Variants in ZNF704 observed in about 807,000 individuals in gnomAD.
ZNF704 encodes zinc finger protein 704.
In ZNF704, 10 loss-of-function variants were observed where a neutral mutation model predicts 44.7. The ratio of observed to expected loss-of-function variants is 0.22; its 90% CI spans 0.14 to 0.38. The LOEUF (loss-of-function observed/expected upper bound fraction) is 0.38, where lower values mean the gene tolerates loss of function less well. ZNF704 is among the 10% of genes least tolerant of loss of function. ZNF704 has a pLI of 1.00. For missense variants in ZNF704, 390 were observed against 545.5 expected (o/e 0.71, Z 2.84); for synonymous variants, 211 against 207.6 (o/e 1.02, Z -0.14).
chr8:80,825,820 A>G (rs1035268435), intron 1 of ZNF704, among the ~76,000 whole-genome samples: 5 of 152,226 alleles, frequency 3.3e-5, no homozygotes, highest in Admixed American at 6.5e-5. Context: ...CTGCTCCTGA[A>G]TGACTACTGG....
At chr8:80,705,257 A>G (rs1191730439) in intron 2 of ZNF704, among the ~76,000 whole-genome samples, 1 of 152,124 alleles carries the variant, frequency 6.6e-6, no homozygotes, top group Non-Finnish European at 1.5e-5. Context: ...TCCTGAATTT[A>G]TTTGGATAGT....
At chr8:80,810,773 T>C (rs1362000343) in intron 2 of ZNF704, among the ~76,000 whole-genome samples, 1 of 152,108 alleles carries the variant, frequency 6.6e-6, no homozygotes, top group Non-Finnish European at 1.5e-5. Flanking sequence ...CAACTGGGAG[T>C]CATTTCCCTT....
chr8:80,843,027 T>A (rs556361440), intron 1 of ZNF704, among the ~76,000 whole-genome samples: 81 of 152,288 alleles, frequency 5.3e-4, no homozygotes, highest in Admixed American at 9.8e-4. Context: ...AACTCTACAT[T>A]AGCTAAAATG....
Position 80,666,585 on chromosome 8 carries a change from T to C in ZNF704, c.660-1503A>G, listed in dbSNP as rs887850463. Among the ~76,000 whole-genome samples, 934 of 151,664 alleles carry C rather than the reference T, an allele frequency of 6.2e-3. 15 individuals carry two copies. Among genetic ancestry groups the C allele is most frequent in the Non-Finnish European group, 5.1e-3 (349 of 67,882 alleles). On this transcript the variant is annotated intron_variant, in intron 5 of 8. Transcript: ENST00000327835. ...AACTAGTTTACAGTCCCACCAACAG[T>C]GTAAAAGTGTTCCTGTTTCTCCACA...
At chr8:80,715,579 T>G (rs140499297) in intron 2 of ZNF704, among the ~76,000 whole-genome samples, 21 of 152,346 alleles carry the variant, frequency 1.4e-4, no homozygotes, top group Non-Finnish European at 1.2e-4. Flanking sequence ...TTCCCTATTC[T>G]ACTGCCCAGT....
At chr8:80,806,565 C>G (rs1330608945) in intron 2 of ZNF704, among the ~76,000 whole-genome samples, 2 of 152,152 alleles carry the variant, frequency 1.3e-5, no homozygotes, top group East Asian at 3.8e-4. Flanking sequence ...CATATTTGAA[C>G]ATCAGAGTTT....
intron 1 of ZNF704, among the ~76,000 whole-genome samples, chr8:80,851,477 A>G (rs1808862719): frequency 6.6e-6 from 1 of 151,792 alleles, no homozygotes; most frequent in African/African-American, 2.4e-5. Context: ...CGCAAGGACA[A>G]AAAACCAAAC....
At chr8:80,861,679 C>T (rs1809063526) in intron 1 of ZNF704, among the ~76,000 whole-genome samples, 1 of 151,966 alleles carries the variant, frequency 6.6e-6, no homozygotes, top group Non-Finnish European at 1.5e-5. Flanking sequence ...ACCTTCCCTT[C>T]TCTACCTGCT....
In ZNF704 at chr8:80,659,668, G is replaced by C; in HGVS notation, c.949C>G (p.Pro317Ala). 1 of 1,613,960 alleles carries C rather than the reference G, an allele frequency of 6.2e-7. No individual in the cohort carries two copies. The highest frequency in any genetic ancestry group is 8.5e-7 in the Non-Finnish European group (1 of 1,179,900). ...TTGGGGGTGAACTTGGCCGATCCTG[G>C]AATGGTCACAGGGGGTGTGGCCTGT... ...AYQATPPVTI[P>A]GSAKFTPNGS... The change falls in exon 7 of 9, where the codon CCA becomes GCA. Residue 317 changes from proline (P) to alanine (A), a missense_variant. By Grantham distance (27) the Pro-to-Ala change is conservative. Transcript: ENST00000327835.
chr8:80,788,907 C>A (rs1419348987), intron 2 of ZNF704, among the ~76,000 whole-genome samples: 1 of 152,150 alleles, frequency 6.6e-6, no homozygotes, highest in Non-Finnish European at 1.5e-5. Flanking sequence ...TAACCACTGC[C>A]CATTTTTCTC....
At chr8:80,644,573 C>A (rs1030156393) in intron 7 of ZNF704, among the ~76,000 whole-genome samples, 2 of 152,058 alleles carry the variant, frequency 1.3e-5, no homozygotes, top group Admixed American at 6.5e-5. Flanking sequence ...ACCATACATA[C>A]AACACCCGGC....
intron 7 of ZNF704, among the ~76,000 whole-genome samples, chr8:80,654,517 A>C (rs997774570): frequency 2.0e-5 from 3 of 152,240 alleles, no homozygotes; most frequent in Admixed American, 6.5e-5. Context: ...AACCCCATCA[A>C]AAAGTGGGCG....
intron 2 of ZNF704, among the ~76,000 whole-genome samples, chr8:80,735,542 C>T (rs1806651999): frequency 6.6e-6 from 1 of 152,186 alleles, no homozygotes; most frequent in Admixed American, 6.5e-5. Context: ...AACTTAGTGT[C>T]CAAATCTAAG....
chr8:80,774,071 A>G (rs1279407498), intron 2 of ZNF704, among the ~76,000 whole-genome samples: 1 of 149,464 alleles, frequency 6.7e-6, no homozygotes, highest in Non-Finnish European at 1.5e-5. Flanking sequence ...TTTTGGATAC[A>G]GGGTCTCACT....
At chr8:80,784,874 T>G (rs973487568) in intron 2 of ZNF704, among the ~76,000 whole-genome samples, 1 of 152,198 alleles carries the variant, frequency 6.6e-6, no homozygotes, top group African/African-American at 2.4e-5. Context: ...TAAAATTTAT[T>G]TTTTAGAACA....
At chr8:80,813,921 T>C (rs1189411171) in intron 2 of ZNF704, among the ~76,000 whole-genome samples, 3 of 152,152 alleles carry the variant, frequency 2.0e-5, no homozygotes, top group Non-Finnish European at 4.4e-5. Flanking sequence ...ACATCAATGT[T>C]ACTAGGGTTA....
At chr8:80,670,705 G>T (rs961221920) in intron 4 of ZNF704, 102 bp from the exon 5 acceptor site, 35 of 776,814 alleles carry the variant, frequency 4.5e-5, no homozygotes, top group Non-Finnish European at 1.3e-5. Flanking sequence ...AAAAGTAGCA[G>T]CATCCCCAGC....
rs914230574 is a variant in ZNF704, at chr8:80,639,567, A to G, written c.*1799T>C. ...TAAAATAAATGTTTTTAAAGAAAAA[A>G]ATAAATGAAGAAAAAAACCAGGATC... On this transcript the variant is annotated 3_prime_UTR_variant, in exon 9 of 9. Transcript: ENST00000327835. 2.0e-5 allele frequency: 3 copies of G among 152,240 alleles called. No homozygotes were observed. The highest frequency in any genetic ancestry group is 4.4e-5 in the Non-Finnish European group (3 of 68,042). The allele number at this position is 152,240 out of a possible 1,614,324, so 9.4% of individuals were successfully genotyped here.
chr8:80,747,311 T>C (rs1178629926), intron 2 of ZNF704, among the ~76,000 whole-genome samples: 10 of 152,158 alleles, frequency 6.6e-5, no homozygotes, highest in African/African-American at 2.4e-4. Context: ...TAATAATTTT[T>C]TTCAAGCTAA....
Sources: gnomAD v4.1 joint callset for allele counts (sites outside exome capture counted in the v4.1 genomes callset) on GRCh38, gnomAD v4.1.1 for gene constraint, MANE v1.5 for transcripts, NCBI Gene and HGNC (gene_info 2026-07-23, HGNC 2026-07-21) for gene names.